The following MOGAT2 variants were observed in gnomAD, a reference collection of about 807,000 sequenced individuals.
The protein encoded by MOGAT2 is 2-acylglycerol O-acyltransferase 2.
Under a neutral mutation model 31.5 loss-of-function variants are expected in MOGAT2, and 27 were observed. The observed-to-expected ratio is 0.86, with a 90% CI of 0.63 to 1.18. MOGAT2 has a LOEUF of 1.18. Among genes scored for constraint, MOGAT2 ranks in the 50% most tolerant of loss-of-function variants. The pLI is 0.00. For missense variants in MOGAT2, 436 were observed against 433.2 expected (o/e 1.01, Z -0.06); for synonymous variants, 163 against 170.0 (o/e 0.96, Z 0.32).
chr11:75,719,135 T>C (rs1177436694), intron 1 of MOGAT2, among the ~76,000 whole-genome samples: 2 of 152,190 alleles, frequency 1.3e-5, no homozygotes, highest in Admixed American at 6.5e-5. Context: ...TTTAGACATT[T>C]TACACATTCC....
chr11:75,730,286 G>A (rs372036511), intron 5 of MOGAT2, among the ~76,000 whole-genome samples: 3 of 152,216 alleles, frequency 2.0e-5, no homozygotes, highest in African/African-American at 7.2e-5. Flanking sequence ...GTTCTTCCCT[G>A]GGATGAGAGA....
rs1344945586 is a variant in MOGAT2, at chr11:75,719,973, C to A, written c.92-19C>A. ...CCTCTCAGACCCCTGTCCCTGACAG[C>A]TCCTTCTTCCCTCCCCAGCCGAGAT... On this transcript the variant is annotated intron_variant, in intron 1 of 5. Coordinates refer to ENST00000198801, the MANE Select transcript of MOGAT2 (RefSeq NM_025098.4). The A allele has an allele frequency of 1.3e-6, 2 of 1,554,670 alleles. No homozygotes were observed. The highest frequency in any genetic ancestry group is 1.7e-5 in the African/African-American group (1 of 59,628).
chr11:75,722,006 G>C (rs530460952), intron 2 of MOGAT2, among the ~76,000 whole-genome samples: 34 of 152,326 alleles, frequency 2.2e-4, no homozygotes, highest in African/African-American at 8.2e-4. Flanking sequence ...GGGGGTGCTG[G>C]GCAGACAGCG....
At position 75,723,478 on chromosome 11, in the gene MOGAT2, C is replaced by G. The variant is rs191431060; in HGVS notation, c.270+3308C>G. Among the ~76,000 whole-genome samples, 475 of 151,880 alleles carry G rather than the reference C, an allele frequency of 3.1e-3. 5 individuals are homozygous for G. Among genetic ancestry groups the G allele is most frequent in the African/African-American group, 0.011 (445 of 41,394 alleles). Reference sequence around the variant, plus strand: ...CCCACACGCCTTTACTGCCCAGGCCCCGCAGGGATCATGGGGTGAAGAGAC... The same window carrying G: ...CCCACACGCCTTTACTGCCCAGGCCGCGCAGGGATCATGGGGTGAAGAGAC... On this transcript the variant is annotated intron_variant, in intron 2 of 5. Coordinates refer to ENST00000198801, the MANE Select transcript of MOGAT2 (RefSeq NM_025098.4).
intron 2 of MOGAT2, among the ~76,000 whole-genome samples, chr11:75,721,314 G>A (rs1490425350): frequency 1.3e-5 from 2 of 151,416 alleles, no homozygotes; most frequent in Non-Finnish European, 2.9e-5. Context: ...ATGGAGTCTC[G>A]CTCTGTCACC....
rs751900026 is a variant in MOGAT2 at position 75,727,627 on chromosome 11, A to G, written c.463A>G (p.Ile155Val). Residue 155 changes from isoleucine (I) to valine (V), a missense_variant, in exon 3 of 6, where the codon ATC becomes GTC. Ile to Val is a conservative substitution (Grantham distance 29). Transcript: ENST00000198801. Reference sequence around the variant, plus strand: ...CCGGGCCCCCTTCTTCAGAGATTACATCATGTCTGCAGGTGAGTCTTTCTA... The same window carrying G: ...CCGGGCCCCCTTCTTCAGAGATTACGTCATGTCTGCAGGTGAGTCTTTCTA... ...WFRAPFFRDY[I>V]MSAGLVTSEK... 11 of 1,613,812 alleles carry G rather than the reference A, an allele frequency of 6.8e-6. No individual in the cohort carries two copies. The highest frequency in any genetic ancestry group is 9.3e-6 in the Non-Finnish European group (11 of 1,179,856).
chr11:75,719,097 G>T (rs140263865), intron 1 of MOGAT2, among the ~76,000 whole-genome samples: 23 of 152,218 alleles, frequency 1.5e-4, no homozygotes, highest in African/African-American at 5.5e-4. Flanking sequence ...ATCCCTTCTG[G>T]TTGAGCTGTG....
chr11:75,728,298 C>T, intron 4 of MOGAT2, 154 bp downstream of exon 4: 5 of 908,982 alleles, frequency 5.5e-6, no homozygotes, highest in Non-Finnish European at 8.7e-6. Context: ...GTCTTATGCC[C>T]AAATACCTAG....
chr11:75,727,529 G>T lies in MOGAT2; in HGVS notation c.365G>T (p.Cys122Phe). 1 of 1,614,184 alleles carries T rather than the reference G, an allele frequency of 6.2e-7. No homozygotes were observed. The highest frequency in any genetic ancestry group is 2.2e-5 in the East Asian group (1 of 44,882). The change falls in exon 3 of 6, where the codon TGC (cysteine) becomes TTC (phenylalanine). Residue 122 changes from cysteine to phenylalanine, a missense_variant. Transcript: ENST00000198801. ...GCAGTCGGAGCCTTTGCCAACCTGTGCACTGAGAGCACAGGCTTCTCTTCG... is the reference window on the plus strand; with the variant it reads ...GCAGTCGGAGCCTTTGCCAACCTGTTCACTGAGAGCACAGGCTTCTCTTCG... ...VLAVGAFANL[C>F]TESTGFSSIF...
chr11:75,729,765 G>A (rs1303006730), intron 5 of MOGAT2, among the ~76,000 whole-genome samples: 3 of 96,832 alleles, frequency 3.1e-5, no homozygotes, highest in Non-Finnish European at 6.0e-5. Flanking sequence ...TTTTTTTTGA[G>A]ACAGAGTCCT....
At chr11:75,723,878 C>T (rs1426513506) in intron 2 of MOGAT2, among the ~76,000 whole-genome samples, 2 of 152,144 alleles carry the variant, frequency 1.3e-5, no homozygotes, top group African/African-American at 4.8e-5. Context: ...CAGGATTTTC[C>T]CCAGACAGCC....
chr11:75,720,938 C>T (rs942925412), intron 2 of MOGAT2, among the ~76,000 whole-genome samples: 6 of 152,128 alleles, frequency 3.9e-5, no homozygotes, highest in African/African-American at 9.7e-5. Context: ...GCTCCTTCAA[C>T]GGAATCCCAG....
intron 1 of MOGAT2, among the ~76,000 whole-genome samples, chr11:75,719,042 A>C (rs1457627232): frequency 3.9e-5 from 6 of 152,028 alleles, no homozygotes; most frequent in African/African-American, 1.5e-4. Context: ...TGTAGTGAAA[A>C]AACTCCCCCT....
At chr11:75,719,970 C>G (rs1944362415) in intron 1 of MOGAT2, 22 bp from the exon 2 acceptor site, 3 of 1,568,852 alleles carry the variant, frequency 1.9e-6, no homozygotes, top group Non-Finnish European at 2.6e-6. Flanking sequence ...CTGTCCCTGA[C>G]AGCTCCTTCT....
Position 75,731,361 on chromosome 11 carries a change from T to G in MOGAT2, c.*75T>G, listed in dbSNP as rs1408111388. On this transcript the variant is annotated 3_prime_UTR_variant, in exon 6 of 6. Coordinates refer to ENST00000198801, the MANE Select transcript of MOGAT2 (RefSeq NM_025098.4). ...TGAGAAGACTTCCTGGAGGTGTTTG[T>G]TGAACATATCTGCAGAGCCTTCCCA... is the stretch of plus-strand genomic sequence containing the variant. 2 of 1,521,052 alleles carry G rather than the reference T, an allele frequency of 1.3e-6. No individual in the cohort carries two copies. Among genetic ancestry groups the G allele is most frequent in the Non-Finnish European group, 1.8e-6 (2 of 1,133,464 alleles). 94.2% of individuals were successfully genotyped at this position (1,521,052 alleles called of 1,614,324 possible). A position where few individuals can be genotyped will look rare whatever the true frequency, so the allele number is the denominator to read the frequency against.
rs34582952 is a variant in MOGAT2, at chr11:75,728,081, C to A, written c.587C>A (p.Pro196His). 5.8e-3 allele frequency: 9,333 copies of A among 1,614,124 alleles called. 465 individuals carry two copies. The African/African-American group carries it at 0.11, about 19-fold the overall frequency. ...GGAQEALDARPGSFTLLLRNR... is the reference protein window; with the variant it reads ...GGAQEALDARHGSFTLLLRNR... ...GCCCAGGAGGCCCTGGATGCCAGGC[C>A]TGGATCCTTCACGCTGTTACTGCGG... Residue 196 changes from proline (P) to histidine (H), a missense_variant, in exon 4 of 6, where the codon CCT becomes CAT. Transcript: ENST00000198801.
rs372942591 is a variant in MOGAT2 at position 75,728,025 on chromosome 11, C to T, written c.531C>T (p.Gly177=). 131 of 1,613,782 alleles carry T rather than the reference C, an allele frequency of 8.1e-5. No individual in the cohort carries two copies. The highest frequency in any genetic ancestry group is 1.0e-4 in the Non-Finnish European group (118 of 1,179,870). The part of the protein sequence containing the change: ...SAAHILNRKG[G]GNLLGIIVGG... ...CTCACATTCTGAACAGGAAGGGTGG[C>T]GGAAACTTGCTGGGCATCATTGTAG... Residue 177 remains glycine (G), a synonymous_variant, in exon 4 of 6, where the codon GGC becomes GGT. Coordinates refer to ENST00000198801, the MANE Select transcript of MOGAT2 (RefSeq NM_025098.4).
At chr11:75,719,191 C>T (rs1300742421) in intron 1 of MOGAT2, among the ~76,000 whole-genome samples, 1 of 152,224 alleles carries the variant, frequency 6.6e-6, no homozygotes, top group Non-Finnish European at 1.5e-5. Context: ...AAGGATTTGC[C>T]TCCAGTAAGG....
intron 1 of MOGAT2, 195 bp from the exon 2 acceptor site, chr11:75,719,797 G>T: frequency 3.4e-6 from 2 of 584,634 alleles, no homozygotes; most frequent in Non-Finnish European, 6.1e-6. Flanking sequence ...CAGTGACACT[G>T]GGCTGGCCGT....
Sources: gnomAD v4.1 joint callset for allele counts (sites outside exome capture counted in the v4.1 genomes callset) on GRCh38, gnomAD v4.1.1 for gene constraint, MANE v1.5 for transcripts, NCBI Gene and HGNC (gene_info 2026-07-23, HGNC 2026-07-21) for gene names.